MAP4K3: variants seen among roughly 807,000 people sequenced by gnomAD.
MAP4K3 encodes the protein mitogen-activated protein kinase kinase kinase kinase 3.
Under a neutral mutation model 143.5 loss-of-function variants are expected in MAP4K3, and 94 were observed. That is an observed-to-expected ratio of 0.65 (90% CI 0.55 to 0.78). MAP4K3 has a LOEUF of 0.78. Among genes scored for constraint, MAP4K3 ranks in the 30% least tolerant of loss-of-function variants. The pLI, the probability that MAP4K3 is intolerant of heterozygous loss-of-function variation, is 0.00. For missense variants in MAP4K3, 1,077 were observed against 1,068.1 expected, an observed-to-expected ratio of 1.01 and a Z score of -0.12; for synonymous variants, 416 against 347.2, an observed-to-expected ratio of 1.20 and a Z score of -2.20.
intron 24 of MAP4K3, among the ~76,000 whole-genome samples, chr2:39,276,197 G>T (rs1369534455): frequency 6.6e-6 from 1 of 152,122 alleles, no homozygotes; most frequent in African/African-American, 2.4e-5. Flanking sequence ...ATTGATAAAA[G>T]AATTAGTCAC....
rs1291716748 is a variant in MAP4K3 at position 39,437,227 on chromosome 2, A to G, written c.-240T>C. The G allele has an allele frequency of 6.5e-6, 2 of 309,232 alleles. No individual in the cohort carries two copies. The highest frequency in any genetic ancestry group is 1.3e-4 in the South Asian group (1 of 7,510). 19.2% of individuals were successfully genotyped at this position (309,232 alleles called of 1,614,324 possible). On this transcript the variant is annotated 5_prime_UTR_variant, in exon 1 of 34. Transcript: ENST00000263881. ...CGCCGCGCCGAACCTGGTCACACCC[A>G]CAAGGAGAGGAGAACCCTCGCAGCC...
chr2:39,260,566 T>C, intron 29 of MAP4K3, 40 bp downstream of exon 29: 1 of 1,554,246 alleles, frequency 6.4e-7, no homozygotes, highest in Non-Finnish European at 8.8e-7. Context: ...ATAAAACCAG[T>C]ATATGTATTA....
intron 15 of MAP4K3, chr2:39,303,254 T>C (rs1025380308): frequency 1.2e-5 from 2 of 166,128 alleles, no homozygotes; most frequent in Middle Eastern, 3.4e-3. Flanking sequence ...TTTAACGCAG[T>C]AGATGATTTA....
chr2:39,333,605 G>A (rs776981446), intron 6 of MAP4K3, 31 bp from the exon 7 acceptor site: 2 of 1,312,752 alleles, frequency 1.5e-6, no homozygotes, highest in East Asian at 2.3e-5. Context: ...AGTTAGAGTA[G>A]GAAATAGATA....
intron 1 of MAP4K3, among the ~76,000 whole-genome samples, chr2:39,396,506 G>C (rs1308904517): frequency 7.0e-6 from 1 of 142,490 alleles, no homozygotes; most frequent in Admixed American, 7.1e-5. Flanking sequence ...TTTAAGCAGA[G>C]TCTCACTTTG....
intron 24 of MAP4K3, among the ~76,000 whole-genome samples, chr2:39,274,548 A>G (rs1681169918): frequency 6.6e-6 from 1 of 152,092 alleles, no homozygotes; most frequent in South Asian, 2.1e-4. Flanking sequence ...CAACTTTTAC[A>G]AATCTAAAGC....
chr2:39,384,606 T>C (rs1037537998), intron 1 of MAP4K3, among the ~76,000 whole-genome samples: 1 of 152,226 alleles, frequency 6.6e-6, no homozygotes, highest in Non-Finnish European at 1.5e-5. Context: ...ACTTTCTGCA[T>C]TGATGGAAAT....
At chr2:39,259,571 G>T (rs566905766) in intron 29 of MAP4K3, among the ~76,000 whole-genome samples, 10 of 152,250 alleles carry the variant, frequency 6.6e-5, no homozygotes, top group African/African-American at 2.4e-4. Flanking sequence ...TGAGAGTTAT[G>T]AAAATGTTAA....
chr2:39,380,871 G>T (rs957275191), intron 1 of MAP4K3, among the ~76,000 whole-genome samples: 1 of 152,122 alleles, frequency 6.6e-6, no homozygotes, highest in Non-Finnish European at 1.5e-5. Flanking sequence ...GTATGATTCA[G>T]TTGTGTTTAG....
Position 39,337,513 on chromosome 2 carries a change from G to C in MAP4K3, c.366+13C>G. 2 of 1,599,456 alleles carry C rather than the reference G, an allele frequency of 1.3e-6. No homozygotes were observed. The highest frequency in any genetic ancestry group is 2.7e-5 in the African/African-American group (2 of 74,690). On this transcript the variant is annotated intron_variant, in intron 5 of 33. Coordinates refer to ENST00000263881, the MANE Select transcript of MAP4K3 (RefSeq NM_003618.4). ...AATGAAAAATGTTATTTTTGAATTA[G>C]CACTTGATTTACCTGCAGTGTTTCT...
At chr2:39,319,701 T>C (rs191452186) in intron 12 of MAP4K3, among the ~76,000 whole-genome samples, 177 of 152,346 alleles carry the variant, frequency 1.2e-3, no homozygotes, top group Middle Eastern at 3.4e-3. Context: ...TATTATTTAA[T>C]GTAAGAAGAA....
chr2:39,323,065 G>T (rs1683367941), intron 12 of MAP4K3, among the ~76,000 whole-genome samples: 1 of 152,084 alleles, frequency 6.6e-6, no homozygotes, highest in South Asian at 2.1e-4. Context: ...ACTGCACTTA[G>T]CAATTACAAT....
intron 1 of MAP4K3, chr2:39,436,655 G>A (rs889993786): frequency 2.9e-5 from 16 of 549,160 alleles, no homozygotes; most frequent in Admixed American, 1.3e-4. Flanking sequence ...CAAGAAGGGA[G>A]GTGGCAAAAA....
intron 1 of MAP4K3, among the ~76,000 whole-genome samples, chr2:39,386,263 C>A (rs1460989013): frequency 1.3e-5 from 2 of 152,174 alleles, no homozygotes; most frequent in African/African-American, 4.8e-5. Flanking sequence ...TCAGGAGAAA[C>A]CAACCCTGCT....
chr2:39,436,880 C>G lies in MAP4K3; in HGVS notation c.96+12G>C, dbSNP rs760873722. The G allele has an allele frequency of 1.3e-6, 2 of 1,599,030 alleles. No homozygotes were observed. Among genetic ancestry groups the G allele is most frequent in the Non-Finnish European group, 1.7e-6 (2 of 1,173,486 alleles). ...TCCCACGGCCTCGGCGGCGCGCGGCCCCTGCCTTTACCTTGTAGACGTCGC... is the reference window on the plus strand; with the variant it reads ...TCCCACGGCCTCGGCGGCGCGCGGCGCCTGCCTTTACCTTGTAGACGTCGC... On this transcript the variant is annotated intron_variant, in intron 1 of 33. Coordinates refer to ENST00000263881, the MANE Select transcript of MAP4K3 (RefSeq NM_003618.4).
At chr2:39,409,194 G>A (rs1335852390) in intron 1 of MAP4K3, among the ~76,000 whole-genome samples, 6 of 151,928 alleles carry the variant, frequency 3.9e-5, no homozygotes, top group Non-Finnish European at 8.8e-5. Flanking sequence ...TGATTTCTTC[G>A]CCTTTCCTTT....
At chr2:39,358,145 T>C (rs751309109) in intron 2 of MAP4K3, among the ~76,000 whole-genome samples, 1 of 152,228 alleles carries the variant, frequency 6.6e-6, no homozygotes, top group Non-Finnish European at 1.5e-5. Flanking sequence ...ACTCTGTGTA[T>C]TGTTTAAGCC....
Position 39,436,981 on chromosome 2 carries a change from G to T in MAP4K3, c.7C>A (p.Pro3Thr). MN[P>T]GFDLSRRNPQ... The stretch of plus-strand genomic sequence containing the variant: ...TTCCGGCGGGACAAATCGAAGCCGG[G>T]GTTCATGGCGGGCCCCAGGTGCCCC... The change falls in exon 1 of 34, where the codon CCC becomes ACC. Residue 3 changes from proline to threonine, a missense_variant. Transcript: ENST00000263881. 1 of 1,610,928 alleles carries T rather than the reference G, an allele frequency of 6.2e-7. No homozygotes were observed. The highest frequency in any genetic ancestry group is 2.2e-5 in the East Asian group (1 of 44,570).
At chr2:39,418,556 T>C (rs1667456243) in intron 1 of MAP4K3, among the ~76,000 whole-genome samples, 1 of 152,024 alleles carries the variant, frequency 6.6e-6, no homozygotes, top group Non-Finnish European at 1.5e-5. Context: ...GGAAAAGTAG[T>C]TTTACAGTGC....
Sources: allele counts gnomAD v4.1 joint callset (sites outside exome capture counted in the v4.1 genomes callset), GRCh38; gene constraint gnomAD v4.1.1; transcripts MANE v1.5; gene names NCBI Gene and HGNC (gene_info 2026-07-23, HGNC 2026-07-21).